SAMD9: variants seen among roughly 807,000 people sequenced by gnomAD.
The protein encoded by SAMD9 is sterile alpha motif domain containing 9.
In SAMD9, 3 loss-of-function variants were observed where a neutral mutation model predicts 1.5. The ratio of observed to expected loss-of-function variants is 2.05; its 90% confidence interval spans 0.93 to 5.29. The LOEUF is 5.29. Ranked by LOEUF, SAMD9 falls within the 30% of genes most tolerant of loss-of-function variation. The pLI is 0.02. For synonymous variants in SAMD9, 635 were observed against 631.9 expected, an observed-to-expected ratio of 1.00 and a Z score of -0.07; for missense variants, 1,597 against 1,820.8, an observed-to-expected ratio of 0.88 and a Z score of 2.24.
At position 93,110,586 on chromosome 7, in the gene SAMD9, G is replaced by C. The variant is rs1791724786; in HGVS notation, c.-9+4209C>G. On this transcript the variant is annotated intron_variant, in intron 2 of 2. Coordinates refer to ENST00000379958, the MANE Select transcript of SAMD9 (RefSeq NM_017654.4). Reference sequence around the variant, plus strand: ...ATCTCATGTGCAGAGACACACACAGGCTCAAAATAAAGGGATGGAGGAAGA... The same window carrying C: ...ATCTCATGTGCAGAGACACACACAGCCTCAAAATAAAGGGATGGAGGAAGA... Among the ~76,000 whole-genome samples, 2 of 152,138 alleles carry C rather than the reference G, an allele frequency of 1.3e-5. 1 individual carries two copies. The highest frequency in any genetic ancestry group is 2.9e-5 in the Non-Finnish European group (2 of 68,030).
chr7:93,102,730 A>G lies in SAMD9; in HGVS notation c.3368T>C (p.Leu1123Pro), dbSNP rs1322632578. 4 of 1,613,718 alleles carry G rather than the reference A, an allele frequency of 2.5e-6. No individual in the cohort carries two copies. The highest frequency in any genetic ancestry group is 3.4e-6 in the Non-Finnish European group (4 of 1,179,774). The change falls in exon 3 of 3, where the codon CTG (leucine) becomes CCG (proline). Residue 1123 changes from leucine to proline, a missense_variant. Leu to Pro is a moderately conservative substitution (Grantham distance 98). This residue lies in a region of SAMD9 where 682 missense variants were observed against 810.0 expected (regional missense o/e 0.84). Transcript: ENST00000379958. The part of the protein sequence containing the change: ...EPDNSYISDT[L>P]GQVYKSKIRW... ...TATTTTACTTTTGTAGACTTGACCCAGTGTATCTGAGATATAAGAATTGTC... is the reference window on the plus strand; with the variant it reads ...TATTTTACTTTTGTAGACTTGACCCGGTGTATCTGAGATATAAGAATTGTC...
At position 93,102,179 on chromosome 7, in the gene SAMD9, A is replaced by G. The variant is rs374998533; in HGVS notation, c.3919T>C (p.Phe1307Leu). ...AGYFKKYVDI[F>L]CLLEESQNNT... ...TTTTGTGATTCTTCTAAGAGACAAA[A>G]TATATCTACATATTTCTTAAAATAT... The change falls in exon 3 of 3, where the codon TTT (phenylalanine) becomes CTT (leucine). Residue 1307 changes from phenylalanine (F) to leucine (L), a missense_variant. By Grantham distance (22) the Phe-to-Leu change is conservative. This residue lies in a region of SAMD9 where 682 missense variants were observed against 810.0 expected (regional missense o/e 0.84). Transcript: ENST00000379958. The G allele has an allele frequency of 1.9e-6, 3 of 1,613,644 alleles. No individual in the cohort carries two copies. The highest frequency in any genetic ancestry group is 3.3e-5 in the Admixed American group (2 of 59,988).
intron 2 of SAMD9, among the ~76,000 whole-genome samples, chr7:93,109,300 C>T (rs530072245): frequency 2.6e-5 from 4 of 152,218 alleles, no homozygotes; most frequent in East Asian, 1.9e-4. Context: ...CCCATCTGTA[C>T]GTCACCATCA....
Position 93,103,253 on chromosome 7 carries a change from CCTT to C in SAMD9, c.2842_2844del (p.Lys948del). Reference sequence around the variant, plus strand: ...TCAAATTTTTCTGTCCCCCAGAAAGCCTTCTTGTTTCCAATTCCTAAGAATTTT... The same window carrying C: ...TCAAATTTTTCTGTCCCCCAGAAAGCCTTGTTTCCAATTCCTAAGAATTTT... On this transcript the variant is annotated inframe_deletion, in exon 3 of 3. Coordinates refer to ENST00000379958, the MANE Select transcript of SAMD9 (RefSeq NM_017654.4). 6.2e-7 allele frequency: 1 copy of C among 1,613,636 alleles called. No individual in the cohort carries two copies. Among genetic ancestry groups the C allele is most frequent in the Non-Finnish European group, 8.5e-7 (1 of 1,179,682 alleles).
chr7:93,107,856 T>G (rs1220861146), intron 2 of SAMD9, among the ~76,000 whole-genome samples: 2 of 152,234 alleles, frequency 1.3e-5, no homozygotes, highest in African/African-American at 4.8e-5. Flanking sequence ...ATATCTTAGT[T>G]GCGATTTTGT....
At chr7:93,112,921 A>G (rs1299405740) in intron 2 of SAMD9, among the ~76,000 whole-genome samples, 1 of 152,178 alleles carries the variant, frequency 6.6e-6, no homozygotes, top group Admixed American at 6.5e-5. Context: ...TCAAGCTACC[A>G]ATGACTTTCT....
In SAMD9 at chr7:93,103,140, A is replaced by G; in HGVS notation, c.2958T>C (p.Ser986=). 6.2e-7 allele frequency: 1 copy of G among 1,613,826 alleles called. No homozygotes were observed. Among genetic ancestry groups the G allele is most frequent in the Non-Finnish European group, 8.5e-7 (1 of 1,179,758 alleles). Residue 986 remains serine (S), a synonymous_variant, in exon 3 of 3, where the codon TCT becomes TCC. Coordinates refer to ENST00000379958, the MANE Select transcript of SAMD9 (RefSeq NM_017654.4). ...CTTCCAGTGAGAACTCTGCAATCAA[A>G]GAGTGAATGATGCGTACTCCACAGT... is the stretch of plus-strand genomic sequence containing the variant. ...GNYCGVRIIH[S]LIAEFSLEEL...
Position 93,103,869 on chromosome 7 carries a change from T to A in SAMD9, c.2229A>T (p.Gly743=), listed in dbSNP as rs755517978. ...AGAGAATGTGCATAGCCAAGGTAGTTCCCCCACAGCCTGGATGATGATACA... is the reference window on the plus strand; with the variant it reads ...AGAGAATGTGCATAGCCAAGGTAGTACCCCCACAGCCTGGATGATGATACA... ...IHLYHHPGCG[G]TTLAMHILWE... Residue 743 remains glycine (G), a synonymous_variant, in exon 3 of 3, where the codon GGA becomes GGT. Coordinates refer to ENST00000379958, the MANE Select transcript of SAMD9 (RefSeq NM_017654.4). The A allele has an allele frequency of 2.5e-6, 4 of 1,613,860 alleles. No homozygotes were observed. Among genetic ancestry groups the A allele is most frequent in the Non-Finnish European group, 3.4e-6 (4 of 1,179,880 alleles).
rs10279499 is a variant in SAMD9, at chr7:93,104,453, C to A, written c.1645G>T (p.Val549Leu). The A allele has an allele frequency of 0.094, 151,238 of 1,613,798 alleles. 7,801 individuals are homozygous for A. The highest frequency in any genetic ancestry group is 0.14 in the East Asian group (6,482 of 44,858). ...FLVVFLLLSS[V>L]DDPRDPLIET... ...ATGAGGGGATCTCTTGGGTCATCCACAGAGGACAGTAATAGAAATACCACC... is the reference window on the plus strand; with the variant it reads ...ATGAGGGGATCTCTTGGGTCATCCAAAGAGGACAGTAATAGAAATACCACC... Residue 549 changes from valine to leucine, a missense_variant, in exon 3 of 3, where the codon GTG (valine) becomes TTG (leucine). By Grantham distance (32) the Val-to-Leu change is conservative (BLOSUM62 1). Coordinates refer to ENST00000379958, the MANE Select transcript of SAMD9 (RefSeq NM_017654.4).
chr7:93,113,413 A>C (rs1206590108), intron 2 of SAMD9, among the ~76,000 whole-genome samples: 3 of 152,256 alleles, frequency 2.0e-5, no homozygotes, highest in Non-Finnish European at 4.4e-5. Context: ...TCATGACTAA[A>C]ACACCAAAAG....
chr7:93,109,557 G>T (rs1270118464), intron 2 of SAMD9, among the ~76,000 whole-genome samples: 1 of 152,178 alleles, frequency 6.6e-6, no homozygotes, highest in Non-Finnish European at 1.5e-5. Flanking sequence ...TTAAAACCTT[G>T]ACAAAAGATT....
chr7:93,112,795 G>A (rs113564122), intron 2 of SAMD9, among the ~76,000 whole-genome samples: 7,592 of 152,118 alleles, frequency 0.05, 328 homozygotes, highest in African/African-American at 0.11. Flanking sequence ...TGCTCAATGA[G>A]ATAAAAGAGG....
intron 2 of SAMD9, among the ~76,000 whole-genome samples, chr7:93,112,377 T>C (rs576949487): frequency 2.2e-4 from 34 of 152,286 alleles, no homozygotes; most frequent in African/African-American, 8.2e-4. Flanking sequence ...CTGGAAGCAT[T>C]CCCTTTGAAA....
chr7:93,106,154 T>C, intron 2 of SAMD9, 49 bp from the exon 3 acceptor site: 1 of 1,304,834 alleles, frequency 7.7e-7, no homozygotes, highest in Non-Finnish European at 1.0e-6. Context: ...AAGTAAAATT[T>C]TGAAACAATT....
rs200619557 is a variant in SAMD9 at position 93,104,509 on chromosome 7, T to C, written c.1589A>G (p.His530Arg). The C allele has an allele frequency of 1.2e-6, 2 of 1,613,910 alleles. No individual in the cohort carries two copies. Among genetic ancestry groups the C allele is most frequent in the Non-Finnish European group, 1.7e-6 (2 of 1,179,910 alleles). ...CTTCCCTCTTGGCATTATGTCTTCATGTGTAAGAAATGAAATCAGTTTCCT... is the reference window on the plus strand; with the variant it reads ...CTTCCCTCTTGGCATTATGTCTTCACGTGTAAGAAATGAAATCAGTTTCCT... ...DVRKLISFLTHEDIMPRGKFL... is the reference protein window; with the variant it reads ...DVRKLISFLTREDIMPRGKFL... The change falls in exon 3 of 3, where the codon CAT becomes CGT. Residue 530 changes from histidine to arginine, a missense_variant. Physicochemically the swap from His to Arg is conservative, Grantham distance 29 (BLOSUM62 0). Around this residue, in one of 6 missense-constraint regions of SAMD9, gnomAD observed 358 missense variants for 460.4 expected, o/e 0.78. Coordinates refer to ENST00000379958, the MANE Select transcript of SAMD9 (RefSeq NM_017654.4).
chr7:93,105,164 G>A lies in SAMD9; in HGVS notation c.934C>T (p.Gln312Ter). 1 of 1,613,510 alleles carries A rather than the reference G, an allele frequency of 6.2e-7. No homozygotes were observed. Among genetic ancestry groups the A allele is most frequent in the Non-Finnish European group, 8.5e-7 (1 of 1,179,770 alleles). The change falls in exon 3 of 3, where the codon CAG becomes TAG. Residue 312 changes from glutamine (Q) to a stop codon, truncating the protein, a stop_gained. Coordinates refer to ENST00000379958, the MANE Select transcript of SAMD9 (RefSeq NM_017654.4). LOFTEE classifies it low-confidence loss of function (END_TRUNC). ...TAATCATATTGGCATTCAGAGAACT[G>A]TGGAATAATGTCCACTTCAATAACA... ...RFVIEVDIIP[Q>*]FSECQYDYFQ... is the part of the protein sequence containing the mutation.
At position 93,100,902 on chromosome 7, in the gene SAMD9, G is replaced by T. The variant is rs1049791278; in HGVS notation, c.*426C>A. ...GATCTGCTTAGTAAGAATAAATGTTGCTCCTCAGTTTGAGAGGTTTTTGCT... is the reference window on the plus strand; with the variant it reads ...GATCTGCTTAGTAAGAATAAATGTTTCTCCTCAGTTTGAGAGGTTTTTGCT... On this transcript the variant is annotated 3_prime_UTR_variant, in exon 3 of 3. Transcript: ENST00000379958. 1 of 234,588 alleles carries T rather than the reference G, an allele frequency of 4.3e-6. No homozygotes were observed. The highest frequency in any genetic ancestry group is 5.2e-5 in the Admixed American group (1 of 19,120). 14.5% of individuals were successfully genotyped at this position (234,588 alleles called of 1,614,324 possible).
intron 2 of SAMD9, among the ~76,000 whole-genome samples, chr7:93,108,024 G>A (rs1361003494): frequency 6.6e-6 from 1 of 152,182 alleles, no homozygotes; most frequent in African/African-American, 2.4e-5. Flanking sequence ...TTAGAACTGA[G>A]CAGTAATAAA....
intron 2 of SAMD9, among the ~76,000 whole-genome samples, chr7:93,108,716 C>G (rs1489534887): frequency 6.6e-6 from 1 of 152,196 alleles, no homozygotes; most frequent in African/African-American, 2.4e-5. Context: ...GCACAGCAGT[C>G]TGAGATTGAA....
Sources: allele counts gnomAD v4.1 joint callset (sites outside exome capture counted in the v4.1 genomes callset), GRCh38; gene constraint gnomAD v4.1.1; regional missense constraint gnomAD v4.1.1; transcripts MANE v1.5; gene names NCBI Gene and HGNC (gene_info 2026-07-23, HGNC 2026-07-21).